Variants in ADGB observed in about 807,000 individuals in gnomAD.
The protein encoded by ADGB is androglobin, also known as calpain-7-like protein.
In ADGB, 172 loss-of-function variants were observed where a neutral mutation model predicts 210.5. That is an observed-to-expected ratio of 0.82 (90% confidence interval 0.72 to 0.93). The LOEUF (loss-of-function observed/expected upper bound fraction) is 0.93. Among genes scored for constraint, ADGB ranks in the 40% least tolerant of loss-of-function variants. The pLI is 0.00. For missense variants in ADGB, 2,025 were observed against 1,964.8 expected (o/e 1.03, Z -0.58); for synonymous variants, 658 against 662.7 (o/e 0.99, Z 0.11).
chr6:146,602,682 C>A (rs527304777), intron 1 of ADGB, among the ~76,000 whole-genome samples: 4 of 152,108 alleles, frequency 2.6e-5, no homozygotes, highest in Non-Finnish European at 5.9e-5. Context: ...GCTGGGGCTG[C>A]GGACCAGTAC....
intron 10 of ADGB, among the ~76,000 whole-genome samples, chr6:146,689,017 C>G (rs1159235388): frequency 5.3e-5 from 8 of 152,088 alleles, no homozygotes; most frequent in Admixed American, 2.0e-4. Context: ...TCTTTCTCCT[C>G]TTGGGTATTC....
intron 26 of ADGB, among the ~76,000 whole-genome samples, chr6:146,750,718 G>C (rs1247660774): frequency 6.6e-6 from 1 of 152,096 alleles, no homozygotes; most frequent in Non-Finnish European, 1.5e-5. Context: ...CATTAAAAGG[G>C]GAGCGGGAAA....
intron 3 of ADGB, among the ~76,000 whole-genome samples, chr6:146,652,222 C>T (rs1775712537): frequency 6.6e-6 from 1 of 152,184 alleles, no homozygotes; most frequent in Admixed American, 6.5e-5. Flanking sequence ...AGGAGGCTAT[C>T]AAGACTAATA....
At chr6:146,787,720 T>G (rs1036502287) in intron 32 of ADGB, among the ~76,000 whole-genome samples, 4 of 148,506 alleles carry the variant, frequency 2.7e-5, no homozygotes, top group African/African-American at 7.6e-5. Context: ...ATTGCCACCT[T>G]TCTTATTTCA....
intron 10 of ADGB, among the ~76,000 whole-genome samples, chr6:146,690,643 A>T (rs926107124): frequency 6.6e-6 from 1 of 152,192 alleles, no homozygotes; most frequent in Non-Finnish European, 1.5e-5. Context: ...GTGGAGGAAC[A>T]CATTGTTAGG....
chr6:146,801,376 G>A, intron 34 of ADGB, 97 bp downstream of exon 34: 1 of 765,422 alleles, frequency 1.3e-6, no homozygotes, highest in South Asian at 4.0e-5. Context: ...TTTAATTTGA[G>A]GCCTGATTAA....
intron 13 of ADGB, among the ~76,000 whole-genome samples, chr6:146,701,986 G>A (rs1408337246): frequency 6.6e-6 from 1 of 151,856 alleles, no homozygotes; most frequent in Non-Finnish European, 1.5e-5. Context: ...TTTGTGGATA[G>A]GGTCAGTTAT....
At chr6:146,661,916 T>A (rs1290402765) in intron 5 of ADGB, among the ~76,000 whole-genome samples, 1 of 152,140 alleles carries the variant, frequency 6.6e-6, no homozygotes. Context: ...GCATTTGGTA[T>A]TTAGTGTGCC....
At chr6:146,744,534 T>C (rs886755657) in intron 25 of ADGB, among the ~76,000 whole-genome samples, 3 of 152,256 alleles carry the variant, frequency 2.0e-5, no homozygotes, top group African/African-American at 7.2e-5. Flanking sequence ...ACATGAGACA[T>C]GCTTTTTATG....
intron 30 of ADGB, among the ~76,000 whole-genome samples, chr6:146,783,995 A>G (rs1239046507): frequency 1.3e-5 from 2 of 152,240 alleles, no homozygotes; most frequent in Non-Finnish European, 2.9e-5. Context: ...ATTACAATTT[A>G]TAATTTAATG....
chr6:146,778,341 T>C (rs1325083664), intron 29 of ADGB, among the ~76,000 whole-genome samples: 1 of 152,164 alleles, frequency 6.6e-6, no homozygotes, highest in African/African-American at 2.4e-5. Flanking sequence ...CTGAGTTTGC[T>C]TTTCTGTGAA....
In ADGB at chr6:146,599,115, G is replaced by T; in HGVS notation, c.74+1G>T. 1 of 1,551,432 alleles carries T rather than the reference G, an allele frequency of 6.4e-7. No individual in the cohort carries two copies. Among genetic ancestry groups the T allele is most frequent in the Non-Finnish European group, 8.7e-7 (1 of 1,146,684 alleles). Reference sequence around the variant, plus strand: ...CGCACGGATCGGATAAATCGAAAGAGTAAGGGACCTCTGCCTGTCCGTCCC... The same window carrying T: ...CGCACGGATCGGATAAATCGAAAGATTAAGGGACCTCTGCCTGTCCGTCCC... On this transcript the variant is annotated splice_donor_variant, in intron 1 of 35. Transcript: ENST00000397944. LOFTEE classifies it high-confidence loss of function.
chr6:146,794,638 G>A (rs962556367), intron 33 of ADGB, among the ~76,000 whole-genome samples: 23 of 152,166 alleles, frequency 1.5e-4, no homozygotes, highest in Admixed American at 3.3e-4. Context: ...GTTAAGGAAA[G>A]GGGGGTGGGA....
At chr6:146,753,106 T>A (rs569139428) in intron 27 of ADGB, among the ~76,000 whole-genome samples, 1 of 152,218 alleles carries the variant, frequency 6.6e-6, no homozygotes, top group African/African-American at 2.4e-5. Flanking sequence ...AGTTATTAAA[T>A]AAATAAAATA....
At chr6:146,726,895 G>A (rs1776903167) in intron 19 of ADGB, among the ~76,000 whole-genome samples, 2 of 151,978 alleles carry the variant, frequency 1.3e-5, no homozygotes, top group Admixed American at 1.3e-4. Flanking sequence ...AAGGAATCTG[G>A]AGCATGTGCC....
intron 1 of ADGB, among the ~76,000 whole-genome samples, chr6:146,610,564 T>C (rs367758200): frequency 6.6e-6 from 1 of 152,198 alleles, no homozygotes; most frequent in African/African-American, 2.4e-5. Context: ...ATAGTATAAG[T>C]TGAATTTAGT....
rs1293446775 is a variant in ADGB at position 146,599,001 on chromosome 6, C to G, written c.-40C>G. ...GCGGAGCCGAGCGCGCCCGCAGGCT[C>G]TTTGCTCAGAGCTCAGCCCTACATA... On this transcript the variant is annotated 5_prime_UTR_variant, in exon 1 of 36. Coordinates refer to ENST00000397944, the MANE Select transcript of ADGB (RefSeq NM_024694.4). 4 of 1,534,524 alleles carry G rather than the reference C, an allele frequency of 2.6e-6. No individual in the cohort carries two copies. In the African/African-American group the frequency reaches 4.1e-5, roughly 16 times the overall value.
intron 35 of ADGB, chr6:146,807,777 CT>C: frequency 2.3e-6 from 1 of 436,908 alleles, no homozygotes; most frequent in East Asian, 4.1e-5. Flanking sequence ...TTAAGATGCT[CT>C]AATTTCAATA....
At chr6:146,601,224 C>A (rs923769711) in intron 1 of ADGB, among the ~76,000 whole-genome samples, 19 of 151,996 alleles carry the variant, frequency 1.3e-4, no homozygotes, top group African/African-American at 4.6e-4. Context: ...CTGTCTATTT[C>A]TTTTTGAGAT....
Sources: gnomAD v4.1 joint callset for allele counts (sites outside exome capture counted in the v4.1 genomes callset) on GRCh38, gnomAD v4.1.1 for gene constraint, MANE v1.5 for transcripts, NCBI Gene and HGNC (gene_info 2026-07-23, HGNC 2026-07-21) for gene names.